The following PEBP4 variants were observed in gnomAD, a reference collection of about 807,000 sequenced individuals.
The protein encoded by PEBP4 is phosphatidylethanolamine binding protein 4, also known as phosphatidylethanolamine-binding protein 4.
PEBP4 carries 22 observed loss-of-function variants against 23.9 expected under a neutral mutation model. The observed-to-expected ratio is 0.92, with a 90% CI of 0.66 to 1.31. PEBP4 has a LOEUF of 1.31. PEBP4 is among the 40% of genes most tolerant of loss of function. The probability of loss-of-function intolerance (pLI) is 0.00; values close to 1 mark genes in which losing one functional copy is unlikely to be tolerated. For synonymous variants in PEBP4, 112 were observed against 99.3 expected (o/e 1.13, Z -0.76); for missense variants, 324 against 281.7 (o/e 1.15, Z -1.07).
At chr8:22,873,474 A>C (rs1239250761) in intron 3 of PEBP4, among the ~76,000 whole-genome samples, 1 of 151,770 alleles carries the variant, frequency 6.6e-6, no homozygotes, top group Non-Finnish European at 1.5e-5. Context: ...AAAGTACAAA[A>C]AAAAAAATTA....
At chr8:22,907,831 A>C (rs1227561680) in intron 3 of PEBP4, among the ~76,000 whole-genome samples, 1 of 152,108 alleles carries the variant, frequency 6.6e-6, no homozygotes, top group Non-Finnish European at 1.5e-5. Flanking sequence ...AGGCTGTTGC[A>C]ATGACCCAGG....
In PEBP4 at chr8:22,742,974, G is replaced by C. The variant is rs560937207; in HGVS notation, c.358-15754C>G. ...AAGCGCAGAGAGCCTTGGGGGAACA[G>C]GGAGGGCTTTCTGGAGGAGGCTGCA... is the stretch of plus-strand genomic sequence containing the variant. On this transcript the variant is annotated intron_variant, in intron 4 of 6. Coordinates refer to ENST00000256404, the MANE Select transcript of PEBP4 (RefSeq NM_144962.3). 5.1e-4 allele frequency among the ~76,000 whole-genome samples: 78 copies of C among 152,338 alleles called. 1 individual carries two copies. The highest frequency in any genetic ancestry group is 8.2e-4 in the Non-Finnish European group (56 of 68,012).
intron 6 of PEBP4, among the ~76,000 whole-genome samples, 189 bp from the exon 7 acceptor site, chr8:22,713,725 T>C (rs1804356680): frequency 6.6e-6 from 1 of 152,172 alleles, no homozygotes; most frequent in Non-Finnish European, 1.5e-5. Context: ...TAGCAGAGCC[T>C]CTGAACAGCA....
At chr8:22,801,890 A>G (rs1353037664) in intron 4 of PEBP4, among the ~76,000 whole-genome samples, 1 of 152,036 alleles carries the variant, frequency 6.6e-6, no homozygotes, top group Non-Finnish European at 1.5e-5. Context: ...TTAAGATAGC[A>G]CCTGTTTCTA....
intron 4 of PEBP4, among the ~76,000 whole-genome samples, chr8:22,748,185 A>G (rs968521887): frequency 6.6e-6 from 1 of 152,194 alleles, no homozygotes; most frequent in East Asian, 1.9e-4. Flanking sequence ...ATCTGGAGAG[A>G]AAAGGGGAGC....
chr8:22,787,261 G>C (rs1806047942), intron 4 of PEBP4, among the ~76,000 whole-genome samples: 3 of 152,192 alleles, frequency 2.0e-5, no homozygotes, highest in South Asian at 2.1e-4. Flanking sequence ...TTTTCTAAAA[G>C]AATGAAATAT....
chr8:22,863,179 CAAT>C (rs1001181684), intron 3 of PEBP4, among the ~76,000 whole-genome samples: 18 of 152,210 alleles, frequency 1.2e-4, no homozygotes, highest in Admixed American at 9.8e-4. Context: ...TGTCCAGGCA[CAAT>C]AATAACAGCA....
At chr8:22,840,793 G>T (rs1807311097) in intron 3 of PEBP4, among the ~76,000 whole-genome samples, 1 of 152,144 alleles carries the variant, frequency 6.6e-6, no homozygotes, top group African/African-American at 2.4e-5. Context: ...CTGGTGGCTG[G>T]CTCTTAGTGT....
At chr8:22,783,367 C>T (rs532209333) in intron 4 of PEBP4, among the ~76,000 whole-genome samples, 1 of 152,344 alleles carries the variant, frequency 6.6e-6, no homozygotes, top group Admixed American at 6.5e-5. Context: ...TTCTGTGTGA[C>T]CAGCTTTCTC....
intron 4 of PEBP4, among the ~76,000 whole-genome samples, chr8:22,729,638 T>A (rs1295187574): frequency 2.0e-5 from 3 of 152,216 alleles, no homozygotes; most frequent in Non-Finnish European, 2.9e-5. Flanking sequence ...ACGTTGGGTT[T>A]GCTGAGGCAA....
At chr8:22,879,407 G>C (rs988091481) in intron 3 of PEBP4, 1 of 152,216 alleles carries the variant, frequency 6.6e-6, no homozygotes, top group African/African-American at 2.4e-5. Context: ...CGCATGAATT[G>C]GTGAGTAGCA....
intron 3 of PEBP4, among the ~76,000 whole-genome samples, chr8:22,893,695 A>G (rs1271765131): frequency 1.3e-5 from 2 of 152,210 alleles, no homozygotes; most frequent in East Asian, 3.8e-4. Context: ...GGTTAACTAT[A>G]CAGAATAAGA....
chr8:22,792,508 T>C (rs1806159876), intron 4 of PEBP4, among the ~76,000 whole-genome samples: 1 of 152,152 alleles, frequency 6.6e-6, no homozygotes, highest in African/African-American at 2.4e-5. Context: ...TGATTTTCAA[T>C]GCCTTCCTCT....
rs1388798318 is a variant in PEBP4 at position 22,713,330 on chromosome 8, G to A, written c.*40C>T. 3.2e-6 allele frequency: 5 copies of A among 1,540,960 alleles called. No homozygotes were observed. The highest frequency in any genetic ancestry group is 2.3e-5 in the East Asian group (1 of 44,134). ...GTTCCATACCCACATCGTCGGTGGTGGGCAGTGTGGCCACATGCCCGGATG... is the reference window on the plus strand; with the variant it reads ...GTTCCATACCCACATCGTCGGTGGTAGGCAGTGTGGCCACATGCCCGGATG... On this transcript the variant is annotated 3_prime_UTR_variant, in exon 7 of 7. Coordinates refer to ENST00000256404, the MANE Select transcript of PEBP4 (RefSeq NM_144962.3).
At chr8:22,739,225 G>A (rs1370112400) in intron 4 of PEBP4, among the ~76,000 whole-genome samples, 1 of 152,196 alleles carries the variant, frequency 6.6e-6, no homozygotes, top group African/African-American at 2.4e-5. Context: ...GGCACCCCAG[G>A]TGCTGCCCTC....
chr8:22,795,874 A>T (rs1806248653), intron 4 of PEBP4, among the ~76,000 whole-genome samples: 1 of 152,242 alleles, frequency 6.6e-6, no homozygotes, highest in Admixed American at 6.5e-5. Context: ...TCAAAAAATC[A>T]ACACACATGG....
At chr8:22,846,249 A>G (rs1166007175) in intron 3 of PEBP4, among the ~76,000 whole-genome samples, 2 of 152,080 alleles carry the variant, frequency 1.3e-5, no homozygotes, top group Non-Finnish European at 2.9e-5. Context: ...GGGAGAAGCA[A>G]CAGCCTGGGG....
intron 3 of PEBP4, among the ~76,000 whole-genome samples, chr8:22,872,579 C>A (rs1808027710): frequency 6.6e-6 from 1 of 152,206 alleles, no homozygotes; most frequent in Non-Finnish European, 1.5e-5. Flanking sequence ...GAAAAGTGAT[C>A]TTTCCAATAC....
intron 3 of PEBP4, among the ~76,000 whole-genome samples, chr8:22,846,906 G>C (rs540077599): frequency 2.0e-5 from 3 of 152,252 alleles, no homozygotes; most frequent in Admixed American, 6.5e-5. Flanking sequence ...TCATGCCTCT[G>C]ATCCCAGCAC....
Sources: allele counts gnomAD v4.1 joint callset (sites outside exome capture counted in the v4.1 genomes callset), GRCh38; gene constraint gnomAD v4.1.1; transcripts MANE v1.5; gene names NCBI Gene and HGNC (gene_info 2026-07-23, HGNC 2026-07-21).